The following RALYL variants were observed in gnomAD, a reference collection of about 807,000 sequenced individuals.
RALYL encodes RALY RNA binding protein like, also known as RNA-binding Raly-like protein.
RALYL carries 29 observed loss-of-function variants against 35.1 expected under a neutral mutation model. The ratio of observed to expected loss-of-function variants is 0.83; its 90% confidence interval spans 0.61 to 1.13. RALYL has a LOEUF of 1.13. Among genes scored for constraint, RALYL ranks in the 50% most tolerant of loss-of-function variants. The pLI, the probability that RALYL is intolerant of heterozygous loss-of-function variation, is 0.00. For missense variants in RALYL, 359 were observed against 360.4 expected, an observed-to-expected ratio of 1.00 and a Z score of 0.03; for synonymous variants, 120 against 127.6, an observed-to-expected ratio of 0.94 and a Z score of 0.40.
intron 2 of RALYL, among the ~76,000 whole-genome samples, chr8:84,541,324 T>A (rs2060005814): frequency 1.3e-5 from 2 of 152,010 alleles, no homozygotes; most frequent in African/African-American, 4.8e-5. Context: ...TGATAAATAT[T>A]TTCTAGTTCA....
At chr8:84,477,115 G>A (rs1020511868) in intron 1 of RALYL, among the ~76,000 whole-genome samples, 5 of 152,112 alleles carry the variant, frequency 3.3e-5, no homozygotes, top group African/African-American at 4.8e-5. Flanking sequence ...GCTATGTAAA[G>A]TACCAATCTG....
intron 1 of RALYL, among the ~76,000 whole-genome samples, chr8:84,218,590 A>G (rs1821404377): frequency 6.6e-6 from 1 of 152,008 alleles, no homozygotes; most frequent in South Asian, 2.1e-4. Flanking sequence ...AAAATCCTTC[A>G]TTCTGTACAG....
At chr8:84,502,844 A>T (rs2056821979) in intron 1 of RALYL, among the ~76,000 whole-genome samples, 1 of 151,900 alleles carries the variant, frequency 6.6e-6, no homozygotes, top group Non-Finnish European at 1.5e-5. Flanking sequence ...AGACATACTT[A>T]ATAGTATTGA....
chr8:84,526,611 G>C (rs1476196920), intron 1 of RALYL, among the ~76,000 whole-genome samples: 9 of 152,134 alleles, frequency 5.9e-5, no homozygotes, highest in African/African-American at 2.2e-4. Flanking sequence ...AGGTTCAAAG[G>C]ACTTTAAAGC....
intron 2 of RALYL, among the ~76,000 whole-genome samples, chr8:84,552,574 G>A (rs934053759): frequency 6.6e-6 from 1 of 151,282 alleles, no homozygotes; most frequent in Non-Finnish European, 1.5e-5. Context: ...TAACACTCCT[G>A]ATACTCCTGG....
intron 2 of RALYL, among the ~76,000 whole-genome samples, chr8:84,746,124 A>T (rs1457857022): frequency 1.3e-5 from 2 of 152,038 alleles, no homozygotes; most frequent in Non-Finnish European, 2.9e-5. Flanking sequence ...TTCTTTTTGC[A>T]TTCCTGCAAT....
chr8:84,338,325 G>T (rs1002789398), intron 1 of RALYL, among the ~76,000 whole-genome samples: 7 of 151,840 alleles, frequency 4.6e-5, no homozygotes, highest in African/African-American at 1.7e-4. Flanking sequence ...TTTACTTAGA[G>T]AAATAAATTA....
intron 1 of RALYL, among the ~76,000 whole-genome samples, chr8:84,503,785 G>C (rs1390527040): frequency 1.3e-5 from 2 of 151,826 alleles, no homozygotes; most frequent in African/African-American, 2.4e-5. Context: ...CTCCTGCTGA[G>C]GCAGGAGAAT....
intron 2 of RALYL, among the ~76,000 whole-genome samples, chr8:84,631,383 A>G (rs1823872316): frequency 6.6e-6 from 1 of 152,094 alleles, no homozygotes; most frequent in Non-Finnish European, 1.5e-5. Context: ...GTGTTTGGAA[A>G]TTGAAGAAGT....
At chr8:84,585,450 C>T (rs888152005) in intron 2 of RALYL, among the ~76,000 whole-genome samples, 1 of 152,026 alleles carries the variant, frequency 6.6e-6, no homozygotes, top group South Asian at 2.1e-4. Flanking sequence ...TTATGGGAAT[C>T]AGATAACTAG....
chr8:84,245,629 C>T (rs1398890050), intron 1 of RALYL, among the ~76,000 whole-genome samples: 1 of 152,138 alleles, frequency 6.6e-6, no homozygotes, highest in Non-Finnish European at 1.5e-5. Flanking sequence ...TGACTTATCA[C>T]ATCTAAGATG....
In RALYL at chr8:84,312,213, G is replaced by A. The variant is rs148181270; in HGVS notation, c.-24+127789G>A. The stretch of plus-strand genomic sequence containing the variant: ...CTCACTATCAAGAGAACAGCATAGG[G>A]GAGACTGCCCCCATAATCCAGTCAC... On this transcript the variant is annotated intron_variant, in intron 1 of 8. Transcript: ENST00000521268. Among the ~76,000 whole-genome samples the A allele has an allele frequency of 2.7e-3, 417 of 152,228 alleles. 2 individuals carry two copies. Among genetic ancestry groups the A allele is most frequent in the African/African-American group, 9.4e-3 (391 of 41,540 alleles).
intron 7 of RALYL, among the ~76,000 whole-genome samples, chr8:84,883,167 A>C (rs763263752): frequency 1.1e-4 from 16 of 152,046 alleles, no homozygotes; most frequent in South Asian, 2.1e-4. Context: ...TCAGATAATG[A>C]CTTCCAAGCA....
intron 4 of RALYL, among the ~76,000 whole-genome samples, chr8:84,819,754 G>T (rs1400813389): frequency 6.6e-6 from 1 of 152,112 alleles, no homozygotes. Context: ...GTTACATGGA[G>T]GGAAGAAAAT....
At chr8:84,425,098 G>T (rs1264872504) in intron 1 of RALYL, among the ~76,000 whole-genome samples, 1 of 152,234 alleles carries the variant, frequency 6.6e-6, no homozygotes, top group Non-Finnish European at 1.5e-5. Flanking sequence ...CTTCCTAGCT[G>T]CTTTGTTTAC....
intron 1 of RALYL, among the ~76,000 whole-genome samples, chr8:84,261,300 A>T (rs909626786): frequency 6.8e-6 from 1 of 147,758 alleles, no homozygotes; most frequent in African/African-American, 2.5e-5. Flanking sequence ...TCTCATCTTT[A>T]ATTGTAGTTC....
chr8:84,613,926 G>A (rs567039056), intron 2 of RALYL, among the ~76,000 whole-genome samples: 1 of 149,044 alleles, frequency 6.7e-6, no homozygotes, highest in Non-Finnish European at 1.5e-5. Flanking sequence ...TACAGAACTT[G>A]TAGCCTACCA....
At chr8:84,679,389 G>T (rs1834890799) in intron 2 of RALYL, 1 of 266,596 alleles carries the variant, frequency 3.8e-6, no homozygotes, top group Non-Finnish European at 7.5e-6. Context: ...AGAGAGATTT[G>T]TTAACCTTGG....
intron 2 of RALYL, among the ~76,000 whole-genome samples, chr8:84,644,573 G>A (rs940067463): frequency 6.6e-6 from 1 of 152,016 alleles, no homozygotes; most frequent in Non-Finnish European, 1.5e-5. Flanking sequence ...TGACAGCAGG[G>A]AAAGTGTAGC....
Sources: gnomAD v4.1 joint callset for allele counts (sites outside exome capture counted in the v4.1 genomes callset) on GRCh38, gnomAD v4.1.1 for gene constraint, MANE v1.5 for transcripts, NCBI Gene and HGNC (gene_info 2026-07-23, HGNC 2026-07-21) for gene names.